SYCP2: variants seen among roughly 807,000 people sequenced by gnomAD.
SYCP2 encodes synaptonemal complex lateral element protein.
A neutral mutation model predicts 211.3 loss-of-function variants in SYCP2; 55 were observed. That is an observed-to-expected ratio of 0.26 (90% CI 0.21 to 0.33). The LOEUF is 0.33. SYCP2 is among the 10% of genes least tolerant of loss of function. SYCP2 has a pLI of 1.00. For synonymous variants in SYCP2, 570 were observed against 555.2 expected, an observed-to-expected ratio of 1.03 and a Z score of -0.37; for missense variants, 1,731 against 1,752.0, an observed-to-expected ratio of 0.99 and a Z score of 0.21.
chr20:59,881,319 T>A, intron 29 of SYCP2, 118 bp downstream of exon 29: 3 of 640,150 alleles, frequency 4.7e-6, no homozygotes, highest in Non-Finnish European at 8.1e-6. Context: ...ATAATGAGAG[T>A]AATAATGACT....
chr20:59,922,127 G>A (rs1037801758), intron 3 of SYCP2, among the ~76,000 whole-genome samples: 4 of 151,554 alleles, frequency 2.6e-5, no homozygotes, highest in Admixed American at 2.6e-4. Context: ...CATAAATTAT[G>A]CATGAATCAG....
rs200765895 is a variant in SYCP2 at position 59,868,567 on chromosome 20, G to C, written c.3834C>G (p.Gly1278=). The change falls in exon 38 of 45, where the codon GGC becomes GGG. Residue 1278 remains glycine, a splice_region_variant and synonymous_variant. Transcript: ENST00000357552. ...TTTTGCGACTAAGATGTTGGGTGGG[G>C]CCTTAGGAACAGTTAAAGAAAGTTA... ...DMPCDATHVS[G]PTQHLSRKRI... is the part of the protein sequence containing the mutation. 2.5e-6 allele frequency: 4 copies of C among 1,593,710 alleles called. No individual in the cohort carries two copies. The East Asian group carries it at 9.0e-5, about 36-fold the overall frequency.
At chr20:59,869,515 G>A (rs940750902) in intron 36 of SYCP2, among the ~76,000 whole-genome samples, 4 of 151,610 alleles carry the variant, frequency 2.6e-5, no homozygotes, top group South Asian at 2.1e-4. Context: ...ATATATTCAC[G>A]AAACCAGAAA....
At chr20:59,928,119 T>C (rs2060667791) in intron 2 of SYCP2, among the ~76,000 whole-genome samples, 2 of 152,152 alleles carry the variant, frequency 1.3e-5, no homozygotes, top group Admixed American at 1.3e-4. Context: ...ATAGGACTAA[T>C]GAAGGTTACG....
chr20:59,920,612 T>C (rs2060523481), intron 4 of SYCP2, 125 bp from the exon 5 acceptor site: 1 of 771,376 alleles, frequency 1.3e-6, no homozygotes, highest in East Asian at 2.7e-5. Flanking sequence ...ATTTTAATCA[T>C]CTCTATATTG....
chr20:59,932,458 C>A (rs1304331084), intron 1 of SYCP2, among the ~76,000 whole-genome samples: 1 of 152,038 alleles, frequency 6.6e-6, no homozygotes, highest in Non-Finnish European at 1.5e-5. Flanking sequence ...GGTGGATCAC[C>A]TGAGGTCAGG....
intron 38 of SYCP2, 117 bp downstream of exon 38, chr20:59,868,296 C>T: frequency 3.0e-6 from 3 of 995,534 alleles, no homozygotes; most frequent in Non-Finnish European, 4.4e-6. Flanking sequence ...AAGCATCATC[C>T]ATCTTGGACA....
rs769561488 is a variant in SYCP2, at chr20:59,900,074, TCATA to T, written c.1404+60_1404+63del. The stretch of plus-strand genomic sequence containing the variant: ...AAATTCTAGATGCTTCTTTCAGTAC[TCATA>T]TATAACAGTGATTTGATCAATGGTA... On this transcript the variant is annotated intron_variant, in intron 18 of 44. Coordinates refer to ENST00000357552, the MANE Select transcript of SYCP2 (RefSeq NM_014258.4). 3.3e-6 allele frequency: 5 copies of T among 1,496,472 alleles called. No individual in the cohort carries two copies. In the African/African-American group the frequency reaches 4.2e-5, roughly 12 times the overall value. 92.7% of individuals were successfully genotyped at this position (1,496,472 alleles called of 1,614,324 possible).
At chr20:59,905,979 A>T (rs889998909) in intron 15 of SYCP2, among the ~76,000 whole-genome samples, 3 of 152,184 alleles carry the variant, frequency 2.0e-5, no homozygotes, top group African/African-American at 7.2e-5. Context: ...AAAATTAAAG[A>T]TCAATTCTAT....
In SYCP2 at chr20:59,885,921, C is replaced by T. The variant is rs1458631209; in HGVS notation, c.2529+7G>A. 6.3e-7 allele frequency: 1 copy of T among 1,596,086 alleles called. No individual in the cohort carries two copies. The highest frequency in any genetic ancestry group is 1.8e-5 in the Admixed American group (1 of 56,720). On this transcript the variant is annotated splice_region_variant and intron_variant, in intron 26 of 44. Coordinates refer to ENST00000357552, the MANE Select transcript of SYCP2 (RefSeq NM_014258.4). ...AGATTTGGTGAAGTTAAGTAAATAA[C>T]ACCTACCTTACTGAGTTGTACAACA...
intron 24 of SYCP2, among the ~76,000 whole-genome samples, chr20:59,889,930 G>T (rs191645911): frequency 1.2e-4 from 18 of 152,226 alleles, no homozygotes; most frequent in Admixed American, 8.5e-4. Flanking sequence ...AGGATGTGGA[G>T]AAATAGGAAT....
intron 2 of SYCP2, among the ~76,000 whole-genome samples, chr20:59,929,110 AAG>A (rs555091222): frequency 4.1e-4 from 63 of 152,260 alleles, no homozygotes; most frequent in African/African-American, 1.5e-3. Flanking sequence ...GGAAAAGAAG[AAG>A]AGGTCATTCA....
chr20:59,891,954 T>A, intron 24 of SYCP2, 36 bp downstream of exon 24: 1 of 1,507,860 alleles, frequency 6.6e-7, no homozygotes, highest in Non-Finnish European at 8.9e-7. Flanking sequence ...AGGCATCTTA[T>A]GGATATGCAG....
At chr20:59,924,119 CAA>C (rs1384895470) in intron 2 of SYCP2, among the ~76,000 whole-genome samples, 1 of 151,762 alleles carries the variant, frequency 6.6e-6, no homozygotes, top group Non-Finnish European at 1.5e-5. Context: ...CTCTCTATAC[CAA>C]AAGAGAAGTA....
At chr20:59,912,349 T>G in intron 13 of SYCP2, 24 bp downstream of exon 13, 1 of 900,856 alleles carries the variant, frequency 1.1e-6, no homozygotes, top group Non-Finnish European at 1.7e-6. Context: ...ATAACTAAAA[T>G]AATGTGTTAA....
At chr20:59,884,702 A>G (rs1387878946) in intron 26 of SYCP2, among the ~76,000 whole-genome samples, 1 of 152,054 alleles carries the variant, frequency 6.6e-6, no homozygotes, top group African/African-American at 2.4e-5. Context: ...CACCTGTTGC[A>G]TCGTTTGTGT....
chr20:59,891,168 G>T (rs1186874820), intron 24 of SYCP2, among the ~76,000 whole-genome samples: 1 of 151,744 alleles, frequency 6.6e-6, no homozygotes, highest in East Asian at 1.9e-4. Flanking sequence ...GGCTTCCCAG[G>T]TATCAGCATT....
intron 26 of SYCP2, chr20:59,885,286 G>C (rs1568929980): frequency 6.6e-6 from 1 of 151,992 alleles, no homozygotes; most frequent in African/African-American, 2.4e-5. Context: ...GCCTTAGAAA[G>C]AAAAAAAGCT....
At chr20:59,915,809 C>T (rs1039161600) in intron 8 of SYCP2, 2 of 233,816 alleles carry the variant, frequency 8.6e-6, no homozygotes, top group Non-Finnish European at 1.6e-5. Flanking sequence ...GCCTGGCCAA[C>T]ATAGTGAAAC....
Sources: gnomAD v4.1 joint callset for allele counts (sites outside exome capture counted in the v4.1 genomes callset) on GRCh38, gnomAD v4.1.1 for gene constraint, MANE v1.5 for transcripts, NCBI Gene and HGNC (gene_info 2026-07-23, HGNC 2026-07-21) for gene names.